COLEC12: variants seen among roughly 807,000 people sequenced by gnomAD.
COLEC12 encodes the protein collectin subfamily member 12, also known as collectin-12.
COLEC12 carries 33 observed loss-of-function variants against 71.1 expected under a neutral mutation model. The ratio of observed to expected loss-of-function variants is 0.46; its 90% CI spans 0.35 to 0.62. The LOEUF (loss-of-function observed/expected upper bound fraction) is 0.62, where lower values mean the gene tolerates loss of function less well. Among genes scored for constraint, COLEC12 ranks in the 20% least tolerant of loss-of-function variants. The pLI is 0.00. For missense variants in COLEC12, 765 were observed against 916.1 expected, an observed-to-expected ratio of 0.84 and a Z score of 2.13; for synonymous variants, 350 against 353.0, an observed-to-expected ratio of 0.99 and a Z score of 0.10.
At chr18:462,306 G>C (rs916003742) in intron 2 of COLEC12, among the ~76,000 whole-genome samples, 2 of 152,286 alleles carry the variant, frequency 1.3e-5, no homozygotes, top group African/African-American at 4.8e-5. Context: ...AAATGGATAA[G>C]TAAAATGTGG....
rs375701871 is a variant in COLEC12 at position 449,681 on chromosome 18, G to A, written c.58+31026C>T. Among the ~76,000 whole-genome samples, 8 of 152,152 alleles carry A rather than the reference G, an allele frequency of 5.3e-5. No homozygotes were observed. In the East Asian group the frequency reaches 5.8e-4, roughly 11 times the overall value. ...TCAATCTGCCACCGTGATTCCTGCC[G>A]AGGCCACACAGTCCGGGCGGAGTCT... On this transcript the variant is annotated intron_variant, in intron 2 of 9. Transcript: ENST00000400256.
intron 1 of COLEC12, among the ~76,000 whole-genome samples, chr18:492,888 T>C (rs1380328527): frequency 6.6e-6 from 1 of 152,130 alleles, no homozygotes; most frequent in Non-Finnish European, 1.5e-5. Context: ...TCCTCTCACC[T>C]CCCACACTGA....
At chr18:352,089 A>G (rs1326574203) in intron 3 of COLEC12, among the ~76,000 whole-genome samples, 3 of 152,192 alleles carry the variant, frequency 2.0e-5, no homozygotes, top group African/African-American at 4.8e-5. Context: ...AGTAATTATT[A>G]TTTTTAAAAT....
intron 2 of COLEC12, among the ~76,000 whole-genome samples, chr18:464,414 T>C (rs1307259606): frequency 2.0e-5 from 3 of 152,240 alleles, no homozygotes; most frequent in Non-Finnish European, 2.9e-5. Context: ...CAGGCACTAA[T>C]GCTCCTCGTT....
chr18:345,479 T>C (rs2143469070), intron 5 of COLEC12, among the ~76,000 whole-genome samples: 1 of 152,288 alleles, frequency 6.6e-6, no homozygotes, highest in Middle Eastern at 3.4e-3. Flanking sequence ...TCCGAAAGTG[T>C]TAAGATTACA....
chr18:358,705 C>T (rs1171926858), intron 2 of COLEC12, among the ~76,000 whole-genome samples: 1 of 152,140 alleles, frequency 6.6e-6, no homozygotes, highest in Non-Finnish European at 1.5e-5. Flanking sequence ...TGGTCCATGG[C>T]CCTGGGGGTT....
intron 5 of COLEC12, among the ~76,000 whole-genome samples, chr18:342,372 C>T (rs1914274899): frequency 6.6e-6 from 1 of 152,264 alleles, no homozygotes; most frequent in Non-Finnish European, 1.5e-5. Flanking sequence ...CATCTGCCTT[C>T]GGCACAGTCA....
chr18:422,958 C>T (rs2846647), intron 2 of COLEC12, among the ~76,000 whole-genome samples: 103,591 of 151,968 alleles, frequency 0.68, 36,209 homozygotes, highest in East Asian at 1. Flanking sequence ...AATACGTTTC[C>T]CACTCATTTG....
At chr18:485,487 G>A (rs1326276332) in intron 1 of COLEC12, among the ~76,000 whole-genome samples, 1 of 152,168 alleles carries the variant, frequency 6.6e-6, no homozygotes, top group Non-Finnish European at 1.5e-5. Context: ...ATATTTTCTT[G>A]GCTCCCACAG....
chr18:441,465 AT>A (rs1275052879), intron 2 of COLEC12, among the ~76,000 whole-genome samples: 1 of 152,094 alleles, frequency 6.6e-6, no homozygotes, highest in Non-Finnish European at 1.5e-5. Flanking sequence ...TGCTGAGTAC[AT>A]AATGGTGCGC....
intron 2 of COLEC12, among the ~76,000 whole-genome samples, chr18:457,617 G>C (rs935266465): frequency 2.6e-5 from 4 of 152,174 alleles, no homozygotes; most frequent in Non-Finnish European, 5.9e-5. Context: ...ATGAGCAGTT[G>C]CGAAATGGAT....
chr18:410,752 A>G (rs566283996), intron 2 of COLEC12, among the ~76,000 whole-genome samples: 3 of 152,290 alleles, frequency 2.0e-5, no homozygotes, highest in African/African-American at 4.8e-5. Context: ...CTTATAGTGA[A>G]GAAGACAACA....
chr18:470,296 A>G (rs1006358178), intron 2 of COLEC12, among the ~76,000 whole-genome samples: 7 of 138,426 alleles, frequency 5.1e-5, no homozygotes, highest in Admixed American at 4.2e-4. Context: ...CAGTGGTGCA[A>G]TCTTGGTTCA....
At position 317,306 on chromosome 18, in the gene COLEC12, T is replaced by C. The variant is rs1913570096; in HGVS notation, c.*2739A>G. 6.6e-6 allele frequency: 1 copy of C among 152,190 alleles called. No homozygotes were observed. 9.4% of individuals were successfully genotyped at this position (152,190 alleles called of 1,614,324 possible). A position where few individuals can be genotyped will look rare whatever the true frequency, so the allele number is the denominator to read the frequency against. On this transcript the variant is annotated 3_prime_UTR_variant, in exon 10 of 10. Coordinates refer to ENST00000400256, the MANE Select transcript of COLEC12 (RefSeq NM_130386.3). ...CGTATAGGAGGCATCTTGTAATGTGTGATTATTCATTTGATTTTATTCAGT... is the reference window on the plus strand; with the variant it reads ...CGTATAGGAGGCATCTTGTAATGTGCGATTATTCATTTGATTTTATTCAGT...
Position 380,960 on chromosome 18 carries a change from G to C in COLEC12, c.59-23438C>G, listed in dbSNP as rs73356545. Among the ~76,000 whole-genome samples the C allele has an allele frequency of 4.3e-3, 654 of 152,218 alleles. 5 individuals carry two copies. Among genetic ancestry groups the C allele is most frequent in the African/African-American group, 0.015 (630 of 41,536 alleles). On this transcript the variant is annotated intron_variant, in intron 2 of 9. Transcript: ENST00000400256. ...CTAGGCAACCGGCCCCTGATGAGTG[G>C]TTCTATCTGGAGAGCCATATATTAT...
At chr18:374,912 G>C (rs941696025) in intron 2 of COLEC12, among the ~76,000 whole-genome samples, 3 of 152,212 alleles carry the variant, frequency 2.0e-5, no homozygotes, top group Non-Finnish European at 4.4e-5. Flanking sequence ...CCACCCAAAA[G>C]GAGGGAGGAG....
chr18:320,004 T>G lies in COLEC12; in HGVS notation c.*41A>C, dbSNP rs199546374. The G allele has an allele frequency of 2.7e-5, 36 of 1,321,584 alleles. 1 individual carries two copies. In the African/African-American group the frequency reaches 4.5e-4, roughly 16 times the overall value. The allele number at this position is 1,321,584 out of a possible 1,614,324, so 81.9% of individuals were successfully genotyped here. ...ATTAGAAAGGAGTGTCCTTTGCCTT[T>G]GAGAGCTGAAAATTTGCTCATGTGA... is the stretch of plus-strand genomic sequence containing the variant. On this transcript the variant is annotated 3_prime_UTR_variant, in exon 10 of 10. Coordinates refer to ENST00000400256, the MANE Select transcript of COLEC12 (RefSeq NM_130386.3).
At chr18:366,573 G>T (rs2143521956) in intron 2 of COLEC12, among the ~76,000 whole-genome samples, 1 of 152,274 alleles carries the variant, frequency 6.6e-6, no homozygotes, top group East Asian at 1.9e-4. Flanking sequence ...CAGGCATGAG[G>T]GTTTTGTTTT....
chr18:496,314 T>C (rs956582656), intron 1 of COLEC12, among the ~76,000 whole-genome samples: 2 of 152,164 alleles, frequency 1.3e-5, no homozygotes, highest in African/African-American at 2.4e-5. Context: ...GGAAATTGCA[T>C]AGGAGACCAC....
Sources: gnomAD v4.1 joint callset for allele counts (sites outside exome capture counted in the v4.1 genomes callset) on GRCh38, gnomAD v4.1.1 for gene constraint, MANE v1.5 for transcripts, NCBI Gene and HGNC (gene_info 2026-07-23, HGNC 2026-07-21) for gene names.